ECE2: variants seen among roughly 807,000 people sequenced by gnomAD.
ECE2 encodes endothelin-converting enzyme 2.
A neutral mutation model predicts 100.6 loss-of-function variants in ECE2; 81 were observed. The ratio of observed to expected loss-of-function variants is 0.81; its 90% CI spans 0.67 to 0.97. ECE2 has a LOEUF of 0.97. ECE2 is among the 50% of genes least tolerant of loss of function. The pLI, the probability that ECE2 is intolerant of heterozygous loss-of-function variation, is 0.00. For missense variants in ECE2, 911 were observed against 988.1 expected, an observed-to-expected ratio of 0.92 and a Z score of 1.05; for synonymous variants, 391 against 391.5, an observed-to-expected ratio of 1.00 and a Z score of 0.02.
In ECE2 at chr3:184,290,640, C is replaced by A. The variant is rs1721268179; in HGVS notation, c.1739C>A (p.Ala580Asp). ...EIVFPAGILQ[A>D]PFYARNHPKA... ...GTCTTCCCCGCTGGCATCCTGCAGG[C>A]CCCCTTCTATGCCCGCAACCACCCC... Residue 580 changes from alanine to aspartate, a missense_variant, in exon 15 of 19, where the codon GCC (alanine) becomes GAC (aspartate). Coordinates refer to ENST00000404464, the MANE Select transcript of ECE2 (RefSeq NM_001100121.2). 6.2e-7 allele frequency: 1 copy of A among 1,614,056 alleles called. No individual in the cohort carries two copies. Among genetic ancestry groups the A allele is most frequent in the African/African-American group, 1.3e-5 (1 of 74,920 alleles).
chr3:184,289,305 C>A lies in ECE2; in HGVS notation c.1375-132C>A. On this transcript the variant is annotated intron_variant, in intron 11 of 18. Transcript: ENST00000404464. This position sits in a 1 kb window ranked among gnomAD's most constrained non-coding sequence, Gnocchi z 4.1. The stretch of plus-strand genomic sequence containing the variant: ...GTTTCCTTCTCATCGTCTCCAGGTG[C>A]TCAGCCGTATTTCTTTAGTCTAGAC... 1 of 762,614 alleles carries A rather than the reference C, an allele frequency of 1.3e-6. No homozygotes were observed. Among genetic ancestry groups the A allele is most frequent in the Non-Finnish European group, 2.2e-6 (1 of 461,542 alleles). The allele number at this position is 762,614 out of a possible 1,614,324, so 47.2% of individuals were successfully genotyped here.
chr3:184,288,339 A>G (rs867770218), intron 11 of ECE2, among the ~76,000 whole-genome samples: 88 of 151,644 alleles, frequency 5.8e-4, no homozygotes, highest in African/African-American at 2.1e-3. Flanking sequence ...AAAGAAAAGA[A>G]AAGAAAAACA....
intron 7 of ECE2, among the ~76,000 whole-genome samples, chr3:184,283,561 CAAAAAAAAAAAAAAAAAA>C (rs35761542): frequency 0.014 from 747 of 53,134 alleles, 17 homozygotes; most frequent in African/African-American, 0.056. Flanking sequence ...GACTCCATCT[CAAAAAAAAAAAAAAAAAA>C]AAAAAAAAAA....
intron 11 of ECE2, among the ~76,000 whole-genome samples, chr3:184,288,309 C>CA (rs10608428): frequency 0.019 from 1,708 of 91,326 alleles, 22 homozygotes; most frequent in South Asian, 0.032. Context: ...AACTCTGTCT[C>CA]AAAAAAAAAA....
rs1018314065 is a variant in ECE2 at position 184,278,413 on chromosome 3, C to T, written c.751-79C>T. 4.4e-6 allele frequency: 7 copies of T among 1,589,222 alleles called. No homozygotes were observed. The African/African-American group carries it at 9.4e-5, about 21-fold the overall frequency. ...GCAGGCTGGGCTGACCCCCCGGCCC[C>T]ACCCCTACCCCCGCTCGGGAATTCA... On this transcript the variant is annotated intron_variant, in intron 6 of 18. Coordinates refer to ENST00000404464, the MANE Select transcript of ECE2 (RefSeq NM_001100121.2).
Position 184,276,491 on chromosome 3 carries a change from A to G in ECE2, c.50A>G (p.Tyr17Cys). Residue 17 changes from tyrosine to cysteine, a missense_variant, in exon 2 of 19, where the codon TAC (tyrosine) becomes TGC (cysteine). Coordinates refer to ENST00000404464, the MANE Select transcript of ECE2 (RefSeq NM_001100121.2). ...CCGACTGTCTGGCAGATGGTGGAGT[A>G]CAAACGGGCCACGCTTCGGGATGAA... is the stretch of plus-strand genomic sequence containing the variant. The part of the protein sequence containing the change: ...ELGAGSNMVE[Y>C]KRATLRDEDA... 1.2e-6 allele frequency: 2 copies of G among 1,609,718 alleles called. No homozygotes were observed. Among genetic ancestry groups the G allele is most frequent in the Non-Finnish European group, 1.7e-6 (2 of 1,179,356 alleles).
chr3:184,284,040 C>A, intron 8 of ECE2, 67 bp downstream of exon 8: 1 of 1,568,908 alleles, frequency 6.4e-7, no homozygotes. Context: ...CCCAGCTTCC[C>A]TCCATGCCAT....
intron 4 of ECE2, 50 bp downstream of exon 4, chr3:184,277,516 C>T (rs756627572): frequency 1.3e-6 from 2 of 1,578,802 alleles, no homozygotes; most frequent in Non-Finnish European, 1.7e-6. Flanking sequence ...GCCTTGTGCC[C>T]AGCACAGGGC....
In ECE2 at chr3:184,276,178, G is replaced by A; in HGVS notation, c.25G>A (p.Gly9Arg). ...CATGAACGTCGCGCTGCAGGAGCTG[G>A]GAGCTGGCAGCAACGTGAGTGGGGG... MNVALQEL[G>R]AGSNMVEYKR... Residue 9 changes from glycine to arginine, a missense_variant, in exon 1 of 19, where the codon GGA becomes AGA. Transcript: ENST00000404464. The A allele has an allele frequency of 6.9e-7, 1 of 1,445,126 alleles. No homozygotes were observed. Among genetic ancestry groups the A allele is most frequent in the Non-Finnish European group, 9.1e-7 (1 of 1,104,740 alleles). The allele number at this position is 1,445,126 out of a possible 1,614,324, so 89.5% of individuals were successfully genotyped here.
At chr3:184,281,153 C>G (rs944120959) in intron 7 of ECE2, among the ~76,000 whole-genome samples, 2 of 152,182 alleles carry the variant, frequency 1.3e-5, no homozygotes, top group African/African-American at 4.8e-5. Flanking sequence ...TTCTGTCATT[C>G]ATTCAGAAAC....
At chr3:184,284,887 G>A (rs919353520) in intron 8 of ECE2, 76 bp from the exon 9 acceptor site, 2 of 1,550,578 alleles carry the variant, frequency 1.3e-6, no homozygotes, top group African/African-American at 2.7e-5. Context: ...AGGGCTCCCA[G>A]GCTACAGCAT....
Position 184,281,214 on chromosome 3 carries a change from A to G in ECE2, c.817-2571A>G, listed in dbSNP as rs1024929372. On this transcript the variant is annotated intron_variant, in intron 7 of 18. Coordinates refer to ENST00000404464, the MANE Select transcript of ECE2 (RefSeq NM_001100121.2). ...CCCTCCTCTAGGCATATGGTGAACA[A>G]GACACTTCTACTACCCTCTGAGTGG... Among the ~76,000 whole-genome samples the G allele has an allele frequency of 2.6e-5, 4 of 152,202 alleles. No homozygotes were observed. The East Asian group carries it at 7.7e-4, about 29-fold the overall frequency.
chr3:184,287,789 T>A, intron 10 of ECE2, 48 bp from the exon 11 acceptor site: 1 of 1,556,790 alleles, frequency 6.4e-7, no homozygotes, highest in Non-Finnish European at 8.9e-7. Flanking sequence ...GCCCTCTGAC[T>A]GGAGGACACA....
chr3:184,278,444 C>T (rs1185898600), intron 6 of ECE2, 48 bp from the exon 7 acceptor site: 2 of 1,605,332 alleles, frequency 1.2e-6, no homozygotes, highest in Admixed American at 3.4e-5. Flanking sequence ...ATTCAGGTTC[C>T]CATGGTGGGG....
At position 184,278,500 on chromosome 3, in the gene ECE2, G is replaced by A; in HGVS notation, c.759G>A (p.Gln253=). The A allele has an allele frequency of 6.2e-7, 1 of 1,614,068 alleles. No homozygotes were observed. The highest frequency in any genetic ancestry group is 8.5e-7 in the Non-Finnish European group (1 of 1,180,006). Residue 253 remains glutamine, a synonymous_variant, in exon 7 of 19, where the codon CAG becomes CAA. Coordinates refer to ENST00000404464, the MANE Select transcript of ECE2 (RefSeq NM_001100121.2). The part of the protein sequence containing the change: ...SSNSNVIQVD[Q]SGLFLPSRDY... ...TTTCCTTGACATTGCAGGTGGACCA[G>A]TCTGGGCTCTTTCTGCCCTCTCGGG...
chr3:184,284,930 G>C, intron 8 of ECE2, 33 bp from the exon 9 acceptor site: 1 of 1,605,130 alleles, frequency 6.2e-7, no homozygotes, highest in Non-Finnish European at 8.5e-7. Flanking sequence ...GAAGCGAGTC[G>C]GGCAGGCAAG....
At chr3:184,290,899 C>T (rs1419492609) in intron 16 of ECE2, 39 bp downstream of exon 16, 3 of 1,613,406 alleles carry the variant, frequency 1.9e-6, no homozygotes, top group Non-Finnish European at 2.5e-6. Flanking sequence ...GCCTAGAATT[C>T]CCAGTGGCTC....
In ECE2 at chr3:184,291,145, A is replaced by G; in HGVS notation, c.1940A>G (p.Tyr647Cys). ...TGCATGGAGGAACAGTACAATCAAT[A>G]CCAGGTCAATGGGGAGAGGCTCAAC... ...TACMEEQYNQ[Y>C]QVNGERLNGR... The change falls in exon 17 of 19, where the codon TAC becomes TGC. Residue 647 changes from tyrosine to cysteine, a missense_variant. Tyr to Cys is a radical substitution (Grantham distance 194). Coordinates refer to ENST00000404464, the MANE Select transcript of ECE2 (RefSeq NM_001100121.2). This position sits in a 1 kb window ranked among gnomAD's most constrained non-coding sequence, Gnocchi z 4.1. The G allele has an allele frequency of 6.2e-7, 1 of 1,613,790 alleles. No individual in the cohort carries two copies. The highest frequency in any genetic ancestry group is 8.5e-7 in the Non-Finnish European group (1 of 1,179,908).
intron 10 of ECE2, among the ~76,000 whole-genome samples, chr3:184,286,163 G>C (rs146841488): frequency 2.5e-3 from 374 of 152,244 alleles, no homozygotes; most frequent in African/African-American, 8.6e-3. Context: ...AGTTCACCAA[G>C]AAAGCCGGGG....
Sources: allele counts gnomAD v4.1 joint callset (sites outside exome capture counted in the v4.1 genomes callset), GRCh38; gene constraint gnomAD v4.1.1; non-coding constraint Gnocchi (gnomAD v3.1); transcripts MANE v1.5; gene names NCBI Gene and HGNC (gene_info 2026-07-23, HGNC 2026-07-21).